The following SLC15A5 variants were observed in gnomAD, a reference collection of about 807,000 sequenced individuals.
SLC15A5 encodes the protein Peptide/histidine transporter ENSP00000340402.
Under a neutral mutation model 56.1 loss-of-function variants are expected in SLC15A5, and 58 were observed. That is an observed-to-expected ratio of 1.03 (90% CI 0.84 to 1.29). The LOEUF is 1.29. SLC15A5 is among the 50% of genes most tolerant of loss of function. SLC15A5 has a pLI of 0.00. For missense variants in SLC15A5, 681 were observed against 672.1 expected (o/e 1.01, Z -0.15); for synonymous variants, 264 against 250.5 (o/e 1.05, Z -0.51).
At chr12:16,209,220 T>C (rs1489156285) in intron 7 of SLC15A5, among the ~76,000 whole-genome samples, 1 of 151,716 alleles carries the variant, frequency 6.6e-6, no homozygotes, top group Non-Finnish European at 1.5e-5. Context: ...ACCATCTTCT[T>C]TCTTATCTTC....
rs1430254368 is a variant in SLC15A5, at chr12:16,243,297, G to A, written c.975+1283C>T. Reference sequence around the variant, plus strand: ...ATGATCTCTGCTCACCGCAACCTCCGCCTCCTGGGTTCAAGCGATTCTCCA... The same window carrying A: ...ATGATCTCTGCTCACCGCAACCTCCACCTCCTGGGTTCAAGCGATTCTCCA... On this transcript the variant is annotated intron_variant, in intron 4 of 8. Transcript: ENST00000344941. The surrounding 1 kb of genome is among the most constrained non-coding windows in gnomAD (Gnocchi z 4.4). Among the ~76,000 whole-genome samples the A allele has an allele frequency of 1.3e-5, 2 of 149,468 alleles. No individual in the cohort carries two copies. Among genetic ancestry groups the A allele is most frequent in the African/African-American group, 2.5e-5 (1 of 40,504 alleles).
At chr12:16,224,673 AT>A (rs1402103203) in intron 5 of SLC15A5, 71 bp from the exon 6 acceptor site, 1 of 1,370,488 alleles carries the variant, frequency 7.3e-7, no homozygotes, top group Non-Finnish European at 9.7e-7. Context: ...AAGCCATAAC[AT>A]TTCTTACCCA....
chr12:16,266,036 G>C (rs1864692226), intron 2 of SLC15A5, among the ~76,000 whole-genome samples: 1 of 152,076 alleles, frequency 6.6e-6, no homozygotes, highest in Non-Finnish European at 1.5e-5. Flanking sequence ...CTCAATAATT[G>C]GCCTAGAAAG....
chr12:16,221,686 A>G (rs1193368193), intron 6 of SLC15A5, among the ~76,000 whole-genome samples: 1 of 152,214 alleles, frequency 6.6e-6, no homozygotes, highest in Admixed American at 6.5e-5. Flanking sequence ...AGAACACCAC[A>G]ACTGTTTTGA....
chr12:16,275,378 G>A (rs115388732), intron 1 of SLC15A5, among the ~76,000 whole-genome samples: 13 of 152,136 alleles, frequency 8.5e-5, no homozygotes, highest in African/African-American at 3.1e-4. Flanking sequence ...GAATAGGTTG[G>A]TAAGGTTGTT....
intron 7 of SLC15A5, among the ~76,000 whole-genome samples, chr12:16,201,460 G>A (rs1019492294): frequency 1.3e-5 from 2 of 152,082 alleles, no homozygotes; most frequent in Admixed American, 6.6e-5. Flanking sequence ...TTTGACAAAG[G>A]TGCCAAGAAC....
intron 5 of SLC15A5, among the ~76,000 whole-genome samples, chr12:16,236,031 T>A (rs1864349008): frequency 6.6e-6 from 1 of 152,200 alleles, no homozygotes; most frequent in Admixed American, 6.5e-5. Context: ...CATTTAAATT[T>A]AAATGTTATT....
intron 3 of SLC15A5, among the ~76,000 whole-genome samples, chr12:16,253,749 G>A (rs924648844): frequency 6.6e-6 from 1 of 151,954 alleles, no homozygotes; most frequent in African/African-American, 2.4e-5. Context: ...ATCATTCAAG[G>A]TGGGCAGTAT....
chr12:16,272,549 A>T lies in SLC15A5; in HGVS notation c.584+12T>A. ...CATAAGCCTCTTTTCTCTCCTAGCC[A>T]GTGCTACTTACCAGTTAAAAAAAGA... On this transcript the variant is annotated intron_variant, in intron 2 of 8. Transcript: ENST00000344941. 1.3e-6 allele frequency: 2 copies of T among 1,535,602 alleles called. No homozygotes were observed. Among genetic ancestry groups the T allele is most frequent in the Non-Finnish European group, 1.7e-6 (2 of 1,145,526 alleles).
chr12:16,238,402 C>A (rs1007275198), intron 5 of SLC15A5, among the ~76,000 whole-genome samples: 1 of 151,720 alleles, frequency 6.6e-6, no homozygotes, highest in Non-Finnish European at 1.5e-5. Context: ...CCGAGGCGGG[C>A]GGATCACGAG....
chr12:16,209,907 A>T (rs1043696696), intron 7 of SLC15A5, among the ~76,000 whole-genome samples: 18 of 152,134 alleles, frequency 1.2e-4, no homozygotes, highest in African/African-American at 4.3e-4. Flanking sequence ...ATCCATAATG[A>T]TCTTCCCCAA....
chr12:16,259,954 A>AG lies in SLC15A5; in HGVS notation c.585-2085dup, dbSNP rs1864627385. ...TCTGCTGGGCAGGAGATCCAAGACA[A>AG]GTTCCTCACTTGGCCTCAGCAACAT... On this transcript the variant is annotated intron_variant, in intron 2 of 8. Coordinates refer to ENST00000344941, the MANE Select transcript of SLC15A5 (RefSeq NM_001170798.1). Among the ~76,000 whole-genome samples the AG allele has an allele frequency of 2.0e-5, 3 of 151,868 alleles. No homozygotes were observed. The South Asian group carries it at 6.2e-4, about 32-fold the overall frequency.
chr12:16,238,957 T>C (rs997210502), intron 5 of SLC15A5, among the ~76,000 whole-genome samples: 5 of 151,772 alleles, frequency 3.3e-5, no homozygotes, highest in African/African-American at 1.2e-4. Flanking sequence ...AAAATTTATC[T>C]AGGGTATGTC....
At chr12:16,214,989 G>C (rs897315575) in intron 7 of SLC15A5, among the ~76,000 whole-genome samples, 7 of 151,866 alleles carry the variant, frequency 4.6e-5, no homozygotes, top group Admixed American at 1.3e-4. Context: ...CGGATCACGA[G>C]GTCAAGAGAT....
chr12:16,257,158 A>G (rs534149498), intron 3 of SLC15A5, among the ~76,000 whole-genome samples: 91 of 152,228 alleles, frequency 6.0e-4, no homozygotes, highest in Middle Eastern at 3.4e-3. Context: ...TGATAATGAC[A>G]TTGTGGTTAT....
At chr12:16,272,478 G>T in intron 2 of SLC15A5, 83 bp downstream of exon 2, 1 of 1,276,656 alleles carries the variant, frequency 7.8e-7, no homozygotes, top group Non-Finnish European at 1.1e-6. Flanking sequence ...CAAAGACTGA[G>T]CAACTACTAC....
intron 2 of SLC15A5, 95 bp from the exon 3 acceptor site, chr12:16,257,965 A>G: frequency 8.7e-7 from 1 of 1,146,366 alleles, no homozygotes; most frequent in Non-Finnish European, 1.1e-6. Context: ...GTAAACTACC[A>G]AATGATGGCA....
rs774460508 is a variant in SLC15A5, at chr12:16,196,489, A to C, written c.1484-2036T>G. Reference sequence around the variant, plus strand: ...TGAGGTGGAGGTCAAGATAAGGTGCAATAACATCCTACTTATTTTCAGGAA... The same window carrying C: ...TGAGGTGGAGGTCAAGATAAGGTGCCATAACATCCTACTTATTTTCAGGAA... On this transcript the variant is annotated intron_variant, in intron 7 of 8. Coordinates refer to ENST00000344941, the MANE Select transcript of SLC15A5 (RefSeq NM_001170798.1). The surrounding 1 kb of genome is among the most constrained non-coding windows in gnomAD (Gnocchi z 4.0). 1.6e-4 allele frequency among the ~76,000 whole-genome samples: 24 copies of C among 152,042 alleles called. No homozygotes were observed. Among genetic ancestry groups the C allele is most frequent in the Non-Finnish European group, 2.1e-4 (14 of 67,976 alleles).
intron 1 of SLC15A5, among the ~76,000 whole-genome samples, chr12:16,276,581 T>A (rs960951760): frequency 6.6e-6 from 1 of 152,046 alleles, no homozygotes; most frequent in African/African-American, 2.4e-5. Flanking sequence ...AGAATAGCAT[T>A]TCTCAAATGT....
Sources: allele counts gnomAD v4.1 joint callset (sites outside exome capture counted in the v4.1 genomes callset), GRCh38; gene constraint gnomAD v4.1.1; non-coding constraint Gnocchi (gnomAD v3.1); transcripts MANE v1.5; gene names NCBI Gene and HGNC (gene_info 2026-07-23, HGNC 2026-07-21).